RCAN2: variants seen among roughly 807,000 people sequenced by gnomAD.
RCAN2 encodes calcipressin-2.
Under a neutral mutation model 23.6 loss-of-function variants are expected in RCAN2, and 9 were observed. The ratio of observed to expected loss-of-function variants is 0.38; its 90% CI spans 0.23 to 0.67. RCAN2 has a LOEUF of 0.67. Among genes scored for constraint, RCAN2 ranks in the 30% least tolerant of loss-of-function variants. The probability of loss-of-function intolerance (pLI) is 0.51; values close to 1 mark genes in which losing one functional copy is unlikely to be tolerated. For synonymous variants in RCAN2, 109 were observed against 115.7 expected, an observed-to-expected ratio of 0.94 and a Z score of 0.37; for missense variants, 273 against 302.3, an observed-to-expected ratio of 0.90 and a Z score of 0.72.
chr6:46,468,555 C>T (rs558291214), intron 1 of RCAN2, among the ~76,000 whole-genome samples: 5 of 152,220 alleles, frequency 3.3e-5, no homozygotes, highest in South Asian at 2.1e-4. Flanking sequence ...TCTGTCCTCC[C>T]GTCTGCACAT....
At chr6:46,293,940 T>C (rs1405504627) in intron 2 of RCAN2, among the ~76,000 whole-genome samples, 2 of 151,686 alleles carry the variant, frequency 1.3e-5, no homozygotes, top group Non-Finnish European at 2.9e-5. Context: ...GAACAAATAC[T>C]TTTTTTTTGA....
rs1314475516 is a variant in RCAN2, at chr6:46,292,433, T to G, written c.226-43537A>C. ...CTTGGGAGTTGATTTGTTGTTTTTT[T>G]TTTTGTTTTTTTTTTTGGTGGGGGG... On this transcript the variant is annotated intron_variant, in intron 2 of 4. Coordinates refer to ENST00000371374, the MANE Select transcript of RCAN2 (RefSeq NM_001251974.2). Among the ~76,000 whole-genome samples, 53 of 144,588 alleles carry G rather than the reference T, an allele frequency of 3.7e-4. 2 individuals carry two copies. Among genetic ancestry groups the G allele is most frequent in the African/African-American group, 5.0e-4 (19 of 38,030 alleles). The allele number at this position is 144,588 out of a possible 152,430, so 94.9% of individuals were successfully genotyped here. A position where few individuals can be genotyped will look rare whatever the true frequency, so the allele number is the denominator to read the frequency against.
rs771988647 is a variant in RCAN2 at position 46,248,790 on chromosome 6, G to A, written c.332C>T (p.Ala111Val). ...RINFSNPKSA[A>V]RARIELHETQ... Reference sequence around the variant, plus strand: ...TTCATGAAGCTCTATCCTAGCTCGGGCTGCAGATTTAGGATTGCTGAAGTT... The same window carrying A: ...TTCATGAAGCTCTATCCTAGCTCGGACTGCAGATTTAGGATTGCTGAAGTT... The change falls in exon 3 of 5, where the codon GCC (alanine) becomes GTC (valine). Residue 111 changes from alanine (A) to valine (V), a missense_variant. By Grantham distance (64) the Ala-to-Val change is moderately conservative. Transcript: ENST00000371374. 1.9e-6 allele frequency: 3 copies of A among 1,613,178 alleles called. No homozygotes were observed. Among genetic ancestry groups the A allele is most frequent in the African/African-American group, 2.7e-5 (2 of 74,744 alleles).
chr6:46,250,508 G>A (rs936428992), intron 2 of RCAN2, among the ~76,000 whole-genome samples: 5 of 152,166 alleles, frequency 3.3e-5, no homozygotes, highest in Non-Finnish European at 5.9e-5. Context: ...TTTTAACTAG[G>A]AATGGACTTA....
chr6:46,386,627 A>T (rs1247243588), intron 2 of RCAN2, among the ~76,000 whole-genome samples: 2 of 151,414 alleles, frequency 1.3e-5, no homozygotes, highest in South Asian at 2.1e-4. Context: ...AAAAAAAAAA[A>T]AAACTAAACT....
intron 2 of RCAN2, among the ~76,000 whole-genome samples, chr6:46,426,116 C>T (rs942372077): frequency 6.6e-6 from 1 of 151,980 alleles, no homozygotes; most frequent in Admixed American, 6.6e-5. Flanking sequence ...TCAGGCTGGT[C>T]TCAAATTTCT....
chr6:46,300,190 A>T (rs1258354077), intron 2 of RCAN2, among the ~76,000 whole-genome samples: 5 of 151,950 alleles, frequency 3.3e-5, no homozygotes, highest in Non-Finnish European at 4.4e-5. Context: ...GATGGAAAAT[A>T]TAGACTTTAA....
rs1050563605 is a variant in RCAN2 at position 46,362,811 on chromosome 6, A to G, written c.225+93941T>C. Among the ~76,000 whole-genome samples, 8 of 152,304 alleles carry G rather than the reference A, an allele frequency of 5.3e-5. No individual in the cohort carries two copies. The South Asian group carries it at 1.7e-3, about 32-fold the overall frequency. ...TGGAAAAATACATATTTTCAAATGT[A>G]TCCAGGCATCCTAGGCTCCTGCATA... On this transcript the variant is annotated intron_variant, in intron 2 of 4. Transcript: ENST00000371374.
At chr6:46,447,460 A>G (rs1767749380) in intron 2 of RCAN2, among the ~76,000 whole-genome samples, 1 of 151,968 alleles carries the variant, frequency 6.6e-6, no homozygotes, top group African/African-American at 2.4e-5. Context: ...TCAATAAGGA[A>G]ACATCAGACT....
intron 2 of RCAN2, among the ~76,000 whole-genome samples, chr6:46,444,704 TCCAGCATATTCATGGG>T (rs1422874804): frequency 2.0e-5 from 3 of 152,240 alleles, no homozygotes; most frequent in East Asian, 3.9e-4. Flanking sequence ...AGCTTCATGC[TCCAGCATATTCATGGG>T]CCAGGCCTGC....
At chr6:46,310,167 A>G (rs1383252626) in intron 2 of RCAN2, among the ~76,000 whole-genome samples, 1 of 152,008 alleles carries the variant, frequency 6.6e-6, no homozygotes, top group African/African-American at 2.4e-5. Context: ...ACCTGAAGAG[A>G]TTTGGTTTTG....
chr6:46,372,964 G>T (rs1353667713), intron 2 of RCAN2, among the ~76,000 whole-genome samples: 1 of 152,194 alleles, frequency 6.6e-6, no homozygotes, highest in Non-Finnish European at 1.5e-5. Flanking sequence ...GAAATTCCTT[G>T]TCTCAAATGA....
At chr6:46,315,280 T>C (rs771118322) in intron 2 of RCAN2, among the ~76,000 whole-genome samples, 8 of 152,188 alleles carry the variant, frequency 5.3e-5, no homozygotes, top group Non-Finnish European at 8.8e-5. Context: ...GAAAAGCCCC[T>C]GCCCTCATGA....
intron 2 of RCAN2, among the ~76,000 whole-genome samples, chr6:46,302,114 G>C (rs1762920888): frequency 6.6e-6 from 1 of 152,070 alleles, no homozygotes; most frequent in Non-Finnish European, 1.5e-5. Context: ...TGAGTGGAGA[G>C]AAGTGGAGTG....
intron 2 of RCAN2, among the ~76,000 whole-genome samples, chr6:46,306,129 A>T (rs1015796094): frequency 3.4e-4 from 52 of 152,196 alleles, no homozygotes; most frequent in African/African-American, 1.1e-3. Context: ...GGATATGGTG[A>T]GGAGTAGGCA....
intron 2 of RCAN2, among the ~76,000 whole-genome samples, chr6:46,447,795 T>C (rs966598056): frequency 4.6e-5 from 7 of 151,302 alleles, no homozygotes; most frequent in African/African-American, 1.7e-4. Context: ...CAAATGCAAA[T>C]GGACACACAA....
At chr6:46,487,704 C>A (rs1381133723) in intron 1 of RCAN2, among the ~76,000 whole-genome samples, 1 of 152,228 alleles carries the variant, frequency 6.6e-6, no homozygotes, top group Admixed American at 6.5e-5. Flanking sequence ...AGTGCCCAGG[C>A]AGGCAGGGTT....
At chr6:46,245,058 C>T (rs1269700791) in intron 4 of RCAN2, among the ~76,000 whole-genome samples, 5 of 152,212 alleles carry the variant, frequency 3.3e-5, no homozygotes, top group Admixed American at 3.3e-4. Context: ...ACATGTGGCT[C>T]TCTGAAGGGG....
intron 2 of RCAN2, among the ~76,000 whole-genome samples, chr6:46,413,801 G>A (rs181123107): frequency 1.3e-5 from 2 of 152,134 alleles, no homozygotes; most frequent in Admixed American, 6.5e-5. Context: ...TGGGGAAACC[G>A]ACCCCTGACA....
Sources: gnomAD v4.1 joint callset for allele counts (sites outside exome capture counted in the v4.1 genomes callset) on GRCh38, gnomAD v4.1.1 for gene constraint, MANE v1.5 for transcripts, NCBI Gene and HGNC (gene_info 2026-07-23, HGNC 2026-07-21) for gene names.